The following UBE4B variants were observed in gnomAD, a reference collection of about 807,000 sequenced individuals.
The protein encoded by UBE4B is ubiquitination factor E4B, also known as ubiquitin conjugation factor E4 B.
In UBE4B, 27 loss-of-function variants were observed where a neutral mutation model predicts 148.1. The ratio of observed to expected loss-of-function variants is 0.18; its 90% CI spans 0.13 to 0.25. The LOEUF is 0.25. Ranked by LOEUF, UBE4B falls within the 10% of genes least tolerant of loss-of-function variation. The pLI is 1.00. For synonymous variants in UBE4B, 596 were observed against 619.3 expected (o/e 0.96, Z 0.56); for missense variants, 1,170 against 1,662.4 (o/e 0.70, Z 5.15).
intron 7 of UBE4B, among the ~76,000 whole-genome samples, chr1:10,115,458 A>C (rs1645293064): frequency 6.7e-6 from 1 of 148,640 alleles, no homozygotes; most frequent in Non-Finnish European, 1.5e-5. Flanking sequence ...TTTAGTTGAG[A>C]TAGGGTTTCA....
rs1039833640 is a variant in UBE4B at position 10,144,853 on chromosome 1, G to T, written c.2364-87G>T. On this transcript the variant is annotated intron_variant, in intron 17 of 27. Transcript: ENST00000343090. The stretch of plus-strand genomic sequence containing the variant: ...TTACAATGCGAAAACAAACAACTGC[G>T]TGTGAGAGTCAGTGAAATGAGCAAG... The T allele has an allele frequency of 3.4e-6, 3 of 875,256 alleles. No individual in the cohort carries two copies. In the East Asian group the frequency reaches 8.1e-5, roughly 24 times the overall value. 54.2% of individuals were successfully genotyped at this position (875,256 alleles called of 1,614,324 possible).
intron 7 of UBE4B, chr1:10,107,520 C>T: frequency 1.3e-6 from 1 of 788,404 alleles, no homozygotes. Context: ...GTGTTCAGAC[C>T]TTCTCATGGG....
intron 24 of UBE4B, chr1:10,170,937 G>C (rs1646330385): frequency 2.1e-6 from 1 of 471,794 alleles, no homozygotes; most frequent in African/African-American, 2.0e-5. Flanking sequence ...ATTCCATTAA[G>C]TATTAGAATT....
chr1:10,050,540 G>A (rs1644014543), intron 1 of UBE4B, among the ~76,000 whole-genome samples: 1 of 152,158 alleles, frequency 6.6e-6, no homozygotes, highest in Non-Finnish European at 1.5e-5. Flanking sequence ...TAACCACACT[G>A]CATTGAATTA....
chr1:10,127,317 CTCTCT>C (rs1645518147), intron 11 of UBE4B, among the ~76,000 whole-genome samples: 1 of 151,664 alleles, frequency 6.6e-6, no homozygotes, highest in Admixed American at 6.6e-5. Context: ...CTCAGTGTAG[CTCTCT>C]TGTTCACCCT....
chr1:10,070,721 A>G (rs528066913), intron 1 of UBE4B, among the ~76,000 whole-genome samples: 1 of 152,252 alleles, frequency 6.6e-6, no homozygotes, highest in South Asian at 2.1e-4. Context: ...GAATGAATGG[A>G]TTAATTTTTC....
intron 20 of UBE4B, among the ~76,000 whole-genome samples, chr1:10,150,913 C>G (rs10864443): frequency 0.3 from 44,401 of 147,982 alleles, 12,163 homozygotes; most frequent in African/African-American, 0.74. Context: ...TGTAATCCCA[C>G]CATTTTGGGA....
At position 10,104,950 on chromosome 1, in the gene UBE4B, G is replaced by A. The variant is rs116338236; in HGVS notation, c.581-566G>A. On this transcript the variant is annotated intron_variant, in intron 5 of 27. Transcript: ENST00000343090. ...CTAAAGACCAACAGTAAATCAACTG[G>A]GAGCTGCAAAGAATAAGAAGGAAGC... 9.9e-3 allele frequency among the ~76,000 whole-genome samples: 1,507 copies of A among 152,274 alleles called. 28 individuals are homozygous for A. The highest frequency in any genetic ancestry group is 0.034 in the African/African-American group (1,417 of 41,546).
At chr1:10,035,308 G>A (rs1411279964) in intron 1 of UBE4B, among the ~76,000 whole-genome samples, 1 of 142,624 alleles carries the variant, frequency 7.0e-6, no homozygotes, top group Non-Finnish European at 1.5e-5. Context: ...GTTTTATGTG[G>A]TTTTTTAAAA....
In UBE4B at chr1:10,081,466, C is replaced by G. The variant is rs147354815; in HGVS notation, c.211+9252C>G. Among the ~76,000 whole-genome samples the G allele has an allele frequency of 4.6e-3, 705 of 152,106 alleles. 3 individuals are homozygous for G. Among genetic ancestry groups the G allele is most frequent in the Middle Eastern group, 0.01 (3 of 292 alleles). On this transcript the variant is annotated intron_variant, in intron 2 of 27. Coordinates refer to ENST00000343090, the MANE Select transcript of UBE4B (RefSeq NM_001105562.3). ...TTTTGAGATGGTCCCACTCTGTCAC[C>G]CAGGCTGGAGTGCAGCAATGGAATC...
intron 1 of UBE4B, among the ~76,000 whole-genome samples, chr1:10,060,444 G>A (rs896352535): frequency 2.0e-5 from 3 of 151,934 alleles, no homozygotes; most frequent in South Asian, 4.1e-4. Context: ...TAATCTTACC[G>A]GACCACCAGT....
At chr1:10,117,183 T>C (rs1220181396) in intron 7 of UBE4B, among the ~76,000 whole-genome samples, 1 of 152,244 alleles carries the variant, frequency 6.6e-6, no homozygotes, top group African/African-American at 2.4e-5. Flanking sequence ...CTTCCAATGC[T>C]TAACACTTGG....
rs999185155 is a variant in UBE4B, at chr1:10,144,290, G to C, written c.2364-650G>C. 8.7e-4 allele frequency among the ~76,000 whole-genome samples: 132 copies of C among 152,272 alleles called. 1 individual carries two copies. Among genetic ancestry groups the C allele is most frequent in the African/African-American group, 2.9e-3 (120 of 41,556 alleles). Reference sequence around the variant, plus strand: ...TGTTTTGGGTAATTGAATAGGCAAAGTAACCTCGAATTTTCATGAGAGACT... The same window carrying C: ...TGTTTTGGGTAATTGAATAGGCAAACTAACCTCGAATTTTCATGAGAGACT... On this transcript the variant is annotated intron_variant, in intron 17 of 27. Coordinates refer to ENST00000343090, the MANE Select transcript of UBE4B (RefSeq NM_001105562.3).
chr1:10,035,886 G>A (rs1570753082), intron 1 of UBE4B, among the ~76,000 whole-genome samples: 6 of 148,252 alleles, frequency 4.0e-5, no homozygotes, highest in East Asian at 4.1e-4. Context: ...TGGGACTACA[G>A]GCGCCCGCCA....
intron 27 of UBE4B, 116 bp downstream of exon 27, chr1:10,179,678 C>T: frequency 6.6e-7 from 1 of 1,508,672 alleles, no homozygotes; most frequent in East Asian, 2.3e-5. Context: ...AAACTACCTA[C>T]TTTATGACAC....
intron 24 of UBE4B, 57 bp from the exon 25 acceptor site, chr1:10,171,081 G>T: frequency 6.5e-7 from 1 of 1,531,006 alleles, no homozygotes; most frequent in South Asian, 1.3e-5. Flanking sequence ...GGGAGTTTTT[G>T]GTCCTTTTCA....
At position 10,033,529 on chromosome 1, in the gene UBE4B, C is replaced by T. The variant is rs547918654; in HGVS notation, c.-142C>T. 1.4e-4 allele frequency: 144 copies of T among 1,014,322 alleles called. 2 individuals are homozygous for T. The South Asian group carries it at 3.3e-3, about 23-fold the overall frequency. 62.8% of individuals were successfully genotyped at this position (1,014,322 alleles called of 1,614,324 possible). A position where few individuals can be genotyped will look rare whatever the true frequency, so the allele number is the denominator to read the frequency against. On this transcript the variant is annotated 5_prime_UTR_variant, in exon 1 of 28. Transcript: ENST00000343090. The stretch of plus-strand genomic sequence containing the variant: ...TGCCTCTCGTGTTCTTATTTTTTAA[C>T]CTCTGACTATGCAATTCTGAAACCT...
chr1:10,125,937 A>G (rs1238238608), intron 10 of UBE4B, among the ~76,000 whole-genome samples: 1 of 152,204 alleles, frequency 6.6e-6, no homozygotes, highest in Admixed American at 6.5e-5. Flanking sequence ...AGTTTAATGT[A>G]GTAATAATGT....
chr1:10,173,587 A>G (rs1194701579), intron 25 of UBE4B, among the ~76,000 whole-genome samples: 1 of 152,174 alleles, frequency 6.6e-6, no homozygotes, highest in Non-Finnish European at 1.5e-5. Context: ...AAAGCAAGTC[A>G]TAGCCTGCAG....
Sources: gnomAD v4.1 joint callset for allele counts (sites outside exome capture counted in the v4.1 genomes callset) on GRCh38, gnomAD v4.1.1 for gene constraint, MANE v1.5 for transcripts, NCBI Gene and HGNC (gene_info 2026-07-23, HGNC 2026-07-21) for gene names.